COLEC10: variants seen among roughly 807,000 people sequenced by gnomAD.
COLEC10 encodes collectin subfamily member 10.
In COLEC10, 22 loss-of-function variants were observed where a neutral mutation model predicts 28.4. That is an observed-to-expected ratio of 0.78 (90% confidence interval 0.55 to 1.11). The LOEUF is 1.11. COLEC10 is among the 50% of genes least tolerant of loss of function. The pLI is 0.00. For missense variants in COLEC10, 361 were observed against 344.1 expected (o/e 1.05, Z -0.39); for synonymous variants, 125 against 116.1 (o/e 1.08, Z -0.49).
At chr8:118,973,102 T>C in the COLEC10 span, among the ~76,000 whole-genome samples, 1 of 151,902 alleles carries the variant, frequency 6.6e-6, no homozygotes, top group African/African-American at 2.4e-5. Flanking sequence ...CAAGATGAGA[T>C]TTGGGTGAGG....
intron 2 of COLEC10, among the ~76,000 whole-genome samples, chr8:119,017,156 A>T (rs911509607): frequency 6.6e-6 from 1 of 152,182 alleles, no homozygotes; most frequent in African/African-American, 2.4e-5. Context: ...GAGGAAACTG[A>T]AGCATAGAAT....
At chr8:119,009,259 C>T (rs1049969205) in intron 1 of COLEC10, among the ~76,000 whole-genome samples, 4 of 150,934 alleles carry the variant, frequency 2.7e-5, no homozygotes, top group African/African-American at 9.9e-5. Context: ...TCCACCAACA[C>T]TTATGTTGAA....
At chr8:119,093,216 AGGTTG>A (rs1387504515) in intron 3 of COLEC10, among the ~76,000 whole-genome samples, 1 of 152,188 alleles carries the variant, frequency 6.6e-6, no homozygotes, top group Non-Finnish European at 1.5e-5. Context: ...CCCTGCAGGC[AGGTTG>A]ACAGACTGTG....
intron 4 of COLEC10, chr8:119,102,811 A>G: frequency 6.1e-6 from 1 of 165,280 alleles, no homozygotes; most frequent in Non-Finnish European, 1.3e-5. Flanking sequence ...GTTACAGTAC[A>G]TGCTTTCCAT....
At position 119,106,286 on chromosome 8, in the gene COLEC10, G is replaced by A; in HGVS notation, c.*95G>A. On this transcript the variant is annotated 3_prime_UTR_variant, in exon 6 of 6. Transcript: ENST00000332843. Reference sequence around the variant, plus strand: ...TTCCTGATTGTACTACATTTGATCTGAGTCAACATAGCTAGAAAATGCTAA... The same window carrying A: ...TTCCTGATTGTACTACATTTGATCTAAGTCAACATAGCTAGAAAATGCTAA... 4 of 1,313,038 alleles carry A rather than the reference G, an allele frequency of 3.0e-6. No homozygotes were observed. In the South Asian group the frequency reaches 4.3e-5, roughly 14 times the overall value. The allele number at this position is 1,313,038 out of a possible 1,614,324, so 81.3% of individuals were successfully genotyped here. A position where few individuals can be genotyped will look rare whatever the true frequency, so the allele number is the denominator to read the frequency against.
rs1173215911 is a variant in COLEC10 at position 119,089,744 on chromosome 8, G to A, written c.213G>A (p.Gly71=). The A allele has an allele frequency of 6.2e-7, 1 of 1,612,918 alleles. No individual in the cohort carries two copies. Among genetic ancestry groups the A allele is most frequent in the South Asian group, 1.1e-5 (1 of 91,044 alleles). The change falls in exon 2 of 6, where the codon GGG becomes GGA. Residue 71 remains glycine, a synonymous_variant. Transcript: ENST00000332843. ...AGCATGGCAAAGTGGGACGCATGGG[G>A]CCGAAAGGTAACTAAAATGATGTGA... ...EGKHGKVGRM[G]PKGIKGELGD... is the part of the protein sequence containing the mutation.
chr8:119,072,594 C>A (rs569320743), intron 1 of COLEC10, among the ~76,000 whole-genome samples: 1 of 152,238 alleles, frequency 6.6e-6, no homozygotes, highest in Non-Finnish European at 1.5e-5. Flanking sequence ...TTCCAATCAA[C>A]CTGCTAAAAC....
chr8:119,043,796 T>C (rs2130160317), intron 2 of COLEC10, among the ~76,000 whole-genome samples: 1 of 152,352 alleles, frequency 6.6e-6, no homozygotes, highest in East Asian at 1.9e-4. Flanking sequence ...AAGCTTAATG[T>C]TGTTTTAGTC....
chr8:119,042,403 AATTT>A (rs10568806), intron 2 of COLEC10, among the ~76,000 whole-genome samples: 98,315 of 150,514 alleles, frequency 0.65, 33,391 homozygotes, highest in African/African-American at 0.85. Flanking sequence ...TATTTAACTT[AATTT>A]ATTTATTTAT....
At chr8:118,952,567 C>T in the COLEC10 span, among the ~76,000 whole-genome samples, 1 of 152,212 alleles carries the variant, frequency 6.6e-6, no homozygotes, top group Non-Finnish European at 1.5e-5. Flanking sequence ...GCCCTAAAGC[C>T]CGTGCTATTC....
intron 1 of COLEC10, among the ~76,000 whole-genome samples, chr8:119,069,477 C>A (rs1815044937): frequency 6.7e-6 from 1 of 149,752 alleles, no homozygotes; most frequent in African/African-American, 2.4e-5. Flanking sequence ...TGTGGTGGTG[C>A]ACACCTGTAG....
At chr8:118,978,354 T>A in the COLEC10 span, among the ~76,000 whole-genome samples, 2 of 152,078 alleles carry the variant, frequency 1.3e-5, no homozygotes, top group African/African-American at 4.8e-5. Flanking sequence ...CCAACCAAAA[T>A]TTGAAAAGGT....
At chr8:118,975,062 T>C in the COLEC10 span, among the ~76,000 whole-genome samples, 1 of 152,186 alleles carries the variant, frequency 6.6e-6, no homozygotes, top group African/African-American at 2.4e-5. Context: ...ACAACTTCCA[T>C]GCCCTTCGGG....
chr8:119,078,615 T>C (rs1364619718), intron 1 of COLEC10, among the ~76,000 whole-genome samples: 1 of 152,160 alleles, frequency 6.6e-6, no homozygotes, highest in African/African-American at 2.4e-5. Flanking sequence ...ATCATAAATA[T>C]TTCTGAGGCA....
chr8:119,036,932 A>G lies in COLEC10; in HGVS notation n.235+27379A>G, dbSNP rs115632906. 5.0e-3 allele frequency among the ~76,000 whole-genome samples: 767 copies of G among 152,306 alleles called. 10 individuals carry two copies. The highest frequency in any genetic ancestry group is 0.018 in the African/African-American group (732 of 41,560). ...CTGGAGAGAAGCAGTAGCTGTAGGT[A>G]GAGGGCTCAGACATCAATGTTGTTG... On this transcript the variant is annotated intron_variant and non_coding_transcript_variant, in intron 2 of 6. Coordinates refer to the COLEC10 transcript ENST00000521788.
intron 1 of COLEC10, among the ~76,000 whole-genome samples, chr8:119,070,942 G>A: frequency 6.6e-6 from 1 of 152,140 alleles, no homozygotes. Flanking sequence ...AACAATTCCA[G>A]CGGGGCCAAG....
chr8:119,018,085 C>CTTTG (rs1284543794), intron 2 of COLEC10, among the ~76,000 whole-genome samples: 1 of 152,176 alleles, frequency 6.6e-6, no homozygotes, highest in African/African-American at 2.4e-5. Flanking sequence ...ACCTGCTGTA[C>CTTTG]TTTGTTTGGA....
At chr8:119,082,021 C>A (rs1445946050) in intron 1 of COLEC10, among the ~76,000 whole-genome samples, 2 of 152,032 alleles carry the variant, frequency 1.3e-5, no homozygotes, top group Middle Eastern at 3.4e-3. Context: ...AGCATAAAGA[C>A]AGGAAGATGT....
intron 2 of COLEC10, among the ~76,000 whole-genome samples, chr8:119,032,735 A>G (rs1814312840): frequency 6.6e-6 from 1 of 152,166 alleles, no homozygotes; most frequent in Admixed American, 6.5e-5. Flanking sequence ...CCCCATCTCT[A>G]CTAAAAACAC....
Sources: gnomAD v4.1 joint callset for allele counts (sites outside exome capture counted in the v4.1 genomes callset) on GRCh38, gnomAD v4.1.1 for gene constraint, MANE v1.5 for transcripts, NCBI Gene and HGNC (gene_info 2026-07-23, HGNC 2026-07-21) for gene names.